Variants in UNC5B observed in about 807,000 individuals in gnomAD.
UNC5B encodes the protein netrin receptor UNC5B.
A neutral mutation model predicts 103.7 loss-of-function variants in UNC5B; 56 were observed. The observed-to-expected ratio is 0.54, with a 90% CI of 0.44 to 0.67. The LOEUF (loss-of-function observed/expected upper bound fraction) is 0.67. Ranked by LOEUF, UNC5B falls within the 30% of genes least tolerant of loss-of-function variation. The pLI is 0.00. For synonymous variants in UNC5B, 577 were observed against 542.0 expected, an observed-to-expected ratio of 1.06 and a Z score of -0.90; for missense variants, 1,194 against 1,284.5, an observed-to-expected ratio of 0.93 and a Z score of 1.08.
At chr10:71,295,216 C>T (rs1489341107) in intron 13 of UNC5B, among the ~76,000 whole-genome samples, 1 of 152,166 alleles carries the variant, frequency 6.6e-6, no homozygotes, top group Admixed American at 6.5e-5. Flanking sequence ...GGGAAGTGCT[C>T]CTGCAGCTGG....
chr10:71,284,179 G>A lies in UNC5B; in HGVS notation c.305-541G>A, dbSNP rs532795740. Among the ~76,000 whole-genome samples the A allele has an allele frequency of 5.7e-4, 87 of 152,280 alleles. 1 individual carries two copies. Among genetic ancestry groups the A allele is most frequent in the African/African-American group, 1.9e-3 (81 of 41,546 alleles). ...GTCGGGGAGGCGCAGGGTGGAGGGG[G>A]CTTTCCTCGGGAAGTGAGGCTGATC... On this transcript the variant is annotated intron_variant, in intron 2 of 16. Coordinates refer to ENST00000335350, the MANE Select transcript of UNC5B (RefSeq NM_170744.5).
At chr10:71,291,272 G>A (rs1377628687) in intron 9 of UNC5B, among the ~76,000 whole-genome samples, 160 bp from the exon 10 acceptor site, 1 of 152,180 alleles carries the variant, frequency 6.6e-6, no homozygotes, top group Non-Finnish European at 1.5e-5. Flanking sequence ...GAACTACCGA[G>A]AAGGAAGGGA....
Position 71,299,111 on chromosome 10 carries a change from G to A in UNC5B, c.2673-1G>A. ...CTCAGTGCCCTCCTTCCCTCTGCCA[G>A]GTACCTGAATTACTTTGCCACCAAA... On this transcript the variant is annotated splice_acceptor_variant, in intron 16 of 16. Coordinates refer to ENST00000335350, the MANE Select transcript of UNC5B (RefSeq NM_170744.5). LOFTEE classifies it high-confidence loss of function. 6.2e-7 allele frequency: 1 copy of A among 1,614,170 alleles called. No individual in the cohort carries two copies. The highest frequency in any genetic ancestry group is 1.1e-5 in the South Asian group (1 of 91,082).
chr10:71,285,531 G>A, intron 4 of UNC5B, 102 bp downstream of exon 4: 1 of 1,001,628 alleles, frequency 1.0e-6, no homozygotes, highest in South Asian at 1.6e-5. Flanking sequence ...TAGTCTCCCA[G>A]AGCCCTGCCC....
At chr10:71,269,277 A>G (rs1844590366) in intron 1 of UNC5B, among the ~76,000 whole-genome samples, 2 of 150,572 alleles carry the variant, frequency 1.3e-5, no homozygotes, top group African/African-American at 4.9e-5. Context: ...TGAGGCTACT[A>G]CCTTTGTAAT....
At chr10:71,217,124 C>G (rs1013766054) in intron 1 of UNC5B, 1 of 152,728 alleles carries the variant, frequency 6.5e-6, no homozygotes, top group Non-Finnish European at 1.5e-5. Context: ...TGGCGCTTCT[C>G]TTGGCGTCCT....
rs58235566 is a variant in UNC5B, at chr10:71,213,728, A to AGTGTGTGT, written c.79+691_79+698dup. Among the ~76,000 whole-genome samples, 3,437 of 131,412 alleles carry AGTGTGTGT rather than the reference A, an allele frequency of 0.026. 68 individuals are homozygous for AGTGTGTGT. Among genetic ancestry groups the AGTGTGTGT allele is most frequent in the African/African-American group, 0.043 (1,470 of 34,232 alleles). 86.2% of individuals were successfully genotyped at this position (131,412 alleles called of 152,430 possible). ...ATTATTAATTTTCTGAGTGTTGGAG[A>AGTGTGTGT]GTGTGTGTGTGTGTGTGTGTGTGTG... On this transcript the variant is annotated intron_variant, in intron 1 of 16. Transcript: ENST00000335350. This position sits in a 1 kb window ranked among gnomAD's most constrained non-coding sequence, Gnocchi z 4.1.
chr10:71,267,586 C>T (rs562231919), intron 1 of UNC5B, among the ~76,000 whole-genome samples: 6 of 152,290 alleles, frequency 3.9e-5, no homozygotes, highest in African/African-American at 1.4e-4. Flanking sequence ...CTGTGAGCTT[C>T]CCACTTGTGG....
chr10:71,281,487 C>T (rs7903380), intron 2 of UNC5B, among the ~76,000 whole-genome samples: 36,283 of 151,882 alleles, frequency 0.24, 5,299 homozygotes, highest in African/African-American at 0.41. Flanking sequence ...ACTACAGGCG[C>T]GTGCCACCAT....
intron 8 of UNC5B, among the ~76,000 whole-genome samples, 192 bp from the exon 9 acceptor site, chr10:71,290,723 C>T (rs548851987): frequency 3.9e-5 from 6 of 152,200 alleles, no homozygotes; most frequent in South Asian, 2.1e-4. Flanking sequence ...GCAGGGACTT[C>T]GAGCCCATTT....
chr10:71,232,564 G>T (rs1272205373), intron 1 of UNC5B, among the ~76,000 whole-genome samples: 1 of 152,286 alleles, frequency 6.6e-6, no homozygotes, highest in East Asian at 1.9e-4. Flanking sequence ...CTGCTGGAAG[G>T]CTTGGAGCAA....
chr10:71,248,368 C>T (rs954528834), intron 1 of UNC5B, among the ~76,000 whole-genome samples: 5 of 152,104 alleles, frequency 3.3e-5, no homozygotes, highest in African/African-American at 1.2e-4. Context: ...GAGAAAAGCC[C>T]CCCGCACCTC....
chr10:71,222,382 A>G (rs74145362), intron 1 of UNC5B, among the ~76,000 whole-genome samples: 6,196 of 152,284 alleles, frequency 0.041, 441 homozygotes, highest in African/African-American at 0.14. Flanking sequence ...TCTGTGCCTC[A>G]GCTTCCCAAT....
intron 1 of UNC5B, among the ~76,000 whole-genome samples, chr10:71,235,647 G>C (rs1198575685): frequency 6.6e-6 from 1 of 152,138 alleles, no homozygotes; most frequent in Non-Finnish European, 1.5e-5. Context: ...TGGTAGGGGG[G>C]TCCTAGGGGG....
chr10:71,248,142 A>G (rs1477376440), intron 1 of UNC5B, among the ~76,000 whole-genome samples: 2 of 152,146 alleles, frequency 1.3e-5, no homozygotes, highest in African/African-American at 4.8e-5. Flanking sequence ...CCATCCAAGC[A>G]CCCAGGTCCC....
At chr10:71,279,725 G>T in intron 1 of UNC5B, 96 bp from the exon 2 acceptor site, 1 of 1,360,626 alleles carries the variant, frequency 7.3e-7, no homozygotes, top group Non-Finnish European at 1.0e-6. Context: ...TGCCTCCCCT[G>T]TCCTCTTCGT....
chr10:71,231,260 G>T (rs1229047756), intron 1 of UNC5B, among the ~76,000 whole-genome samples: 1 of 152,236 alleles, frequency 6.6e-6, no homozygotes, highest in Non-Finnish European at 1.5e-5. Flanking sequence ...TACAGTAGGG[G>T]TGAGGTGGGG....
At chr10:71,253,260 G>A (rs550640840) in intron 1 of UNC5B, among the ~76,000 whole-genome samples, 200 of 152,224 alleles carry the variant, frequency 1.3e-3, no homozygotes, top group Middle Eastern at 3.4e-3. Context: ...CATTAAAGGG[G>A]GCCACCACCT....
intron 1 of UNC5B, among the ~76,000 whole-genome samples, chr10:71,263,174 G>T (rs897768243): frequency 2.0e-5 from 3 of 152,192 alleles, no homozygotes; most frequent in African/African-American, 7.2e-5. Flanking sequence ...GAGGCAGTGG[G>T]GTTTCTCCTG....
Sources: gnomAD v4.1 joint callset for allele counts (sites outside exome capture counted in the v4.1 genomes callset) on GRCh38, gnomAD v4.1.1 for gene constraint, Gnocchi (gnomAD v3.1) non-coding constraint, MANE v1.5 for transcripts, NCBI Gene and HGNC (gene_info 2026-07-23, HGNC 2026-07-21) for gene names.